The following CCSER1 variants were observed in gnomAD, a reference collection of about 807,000 sequenced individuals.
CCSER1 encodes coiled-coil serine rich protein 1.
CCSER1 carries 41 observed loss-of-function variants against 82.0 expected under a neutral mutation model. The ratio of observed to expected loss-of-function variants is 0.50; its 90% CI spans 0.39 to 0.65. The LOEUF (loss-of-function observed/expected upper bound fraction) is 0.65, where lower values mean the gene tolerates loss of function less well. Ranked by LOEUF, CCSER1 falls within the 30% of genes least tolerant of loss-of-function variation. CCSER1 has a pLI of 0.00. For synonymous variants in CCSER1, 414 were observed against 383.9 expected, an observed-to-expected ratio of 1.08 and a Z score of -0.92; for missense variants, 1,119 against 1,064.2, an observed-to-expected ratio of 1.05 and a Z score of -0.72.
At chr4:91,363,357 T>TTGTG (rs201687094) in intron 10 of CCSER1, among the ~76,000 whole-genome samples, 2 of 139,546 alleles carry the variant, frequency 1.4e-5, no homozygotes, top group Non-Finnish European at 3.0e-5. Flanking sequence ...TGGAGATATT[T>TTGTG]TGTGTGTGTG....
chr4:91,175,440 C>G (rs1378695337), intron 10 of CCSER1, among the ~76,000 whole-genome samples: 1 of 152,172 alleles, frequency 6.6e-6, no homozygotes, highest in African/African-American at 2.4e-5. Flanking sequence ...GTCCCACCAA[C>G]AGTGCAAAAG....
chr4:91,292,650 T>C (rs1310442874), intron 10 of CCSER1, among the ~76,000 whole-genome samples: 2 of 152,066 alleles, frequency 1.3e-5, no homozygotes, highest in African/African-American at 2.4e-5. Context: ...AAGTCTGATA[T>C]GAATGGCAAG....
intron 5 of CCSER1, among the ~76,000 whole-genome samples, chr4:90,604,272 T>C (rs1784361251): frequency 6.6e-6 from 1 of 152,200 alleles, no homozygotes; most frequent in African/African-American, 2.4e-5. Context: ...GTAAACATCC[T>C]TGAGCCTCCT....
intron 10 of CCSER1, among the ~76,000 whole-genome samples, chr4:91,248,412 T>C (rs553078506): frequency 2.1e-3 from 325 of 152,262 alleles, no homozygotes; most frequent in African/African-American, 7.5e-3. Context: ...CTCAGTCAGG[T>C]GAGCAATGTC....
intron 10 of CCSER1, among the ~76,000 whole-genome samples, chr4:91,290,095 C>T (rs946080069): frequency 4.8e-4 from 73 of 151,804 alleles, no homozygotes; most frequent in African/African-American, 1.7e-3. Context: ...AACTAACAAG[C>T]TAGCTACAAA....
At chr4:90,732,894 G>T (rs1399730319) in intron 7 of CCSER1, among the ~76,000 whole-genome samples, 1 of 152,092 alleles carries the variant, frequency 6.6e-6, no homozygotes, top group Admixed American at 6.5e-5. Context: ...AGTGTTCATT[G>T]TGTATATGTA....
intron 8 of CCSER1, among the ~76,000 whole-genome samples, chr4:90,820,113 C>G (rs917446859): frequency 2.6e-5 from 4 of 152,138 alleles, no homozygotes; most frequent in Non-Finnish European, 5.9e-5. Context: ...GGGGCCTTAG[C>G]TTTCTTTACT....
intron 9 of CCSER1, among the ~76,000 whole-genome samples, chr4:90,954,112 T>C (rs1733191383): frequency 6.6e-6 from 1 of 152,046 alleles, no homozygotes; most frequent in African/African-American, 2.4e-5. Context: ...CATTTCTCTT[T>C]AAAGAAATAA....
chr4:90,192,371 G>A (rs534141128), intron 1 of CCSER1, among the ~76,000 whole-genome samples: 1 of 152,096 alleles, frequency 6.6e-6, no homozygotes, highest in South Asian at 2.1e-4. Context: ...TGGGGACACA[G>A]CCAAACCATG....
At chr4:91,232,948 G>T (rs189160760) in intron 10 of CCSER1, among the ~76,000 whole-genome samples, 3 of 151,908 alleles carry the variant, frequency 2.0e-5, no homozygotes, top group African/African-American at 7.2e-5. Flanking sequence ...GGGTAGATAT[G>T]TATAAAAGCT....
At chr4:90,369,427 A>G (rs1746964192) in intron 3 of CCSER1, among the ~76,000 whole-genome samples, 1 of 129,834 alleles carries the variant, frequency 7.7e-6, no homozygotes, top group Non-Finnish European at 1.6e-5. Context: ...AAGTGGGAGC[A>G]CAGAGGTATA....
intron 10 of CCSER1, among the ~76,000 whole-genome samples, chr4:91,155,787 C>A (rs997074423): frequency 6.6e-6 from 1 of 151,734 alleles, no homozygotes; most frequent in African/African-American, 2.4e-5. Context: ...GATGGAGAAA[C>A]AGTAAAAATT....
intron 10 of CCSER1, among the ~76,000 whole-genome samples, chr4:91,107,274 A>G (rs914686084): frequency 6.6e-5 from 10 of 152,110 alleles, no homozygotes; most frequent in African/African-American, 1.9e-4. Context: ...TTTTCATTTG[A>G]GACAGAGCCC....
In CCSER1 at chr4:90,309,298, G is replaced by A. The variant is rs370616330; in HGVS notation, c.1014G>A (p.Pro338=). ...GTAGCACTGAATCTAATTCATTACC[G>A]GAAACCTCTGCTGCTAATCAGAAGG... ...GQCSTESNSL[P]ETSAANQKEV... is the part of the protein sequence containing the mutation. The change falls in exon 2 of 11, where the codon CCG becomes CCA. Residue 338 remains proline (P), a synonymous_variant. Coordinates refer to ENST00000509176, the MANE Select transcript of CCSER1 (RefSeq NM_001145065.2). 80 of 1,613,638 alleles carry A rather than the reference G, an allele frequency of 5.0e-5. No homozygotes were observed. Among genetic ancestry groups the A allele is most frequent in the African/African-American group, 4.9e-4 (37 of 74,892 alleles).
intron 10 of CCSER1, among the ~76,000 whole-genome samples, chr4:91,302,402 G>A (rs936297435): frequency 1.3e-4 from 20 of 151,920 alleles, no homozygotes; most frequent in African/African-American, 4.1e-4. Context: ...TTCCACTTCT[G>A]TTTATTTCTA....
At chr4:91,159,945 T>A (rs11946467) in intron 10 of CCSER1, among the ~76,000 whole-genome samples, 55,339 of 151,688 alleles carry the variant, frequency 0.36, 11,821 homozygotes, top group Non-Finnish European at 0.47. Context: ...AAGTGCACAA[T>A]GTGCAGGTTT....
chr4:90,653,866 A>T (rs1729222970), intron 6 of CCSER1, among the ~76,000 whole-genome samples: 1 of 152,192 alleles, frequency 6.6e-6, no homozygotes, highest in African/African-American at 2.4e-5. Context: ...TGAAGAAAAG[A>T]TATTTAATTG....
chr4:91,316,252 A>G (rs1320161715), intron 10 of CCSER1, among the ~76,000 whole-genome samples: 1 of 151,952 alleles, frequency 6.6e-6, no homozygotes, highest in Non-Finnish European at 1.5e-5. Context: ...ACACAGTAAT[A>G]GTTTTTATAT....
chr4:90,913,247 T>G (rs1726717816), intron 8 of CCSER1, among the ~76,000 whole-genome samples: 1 of 152,042 alleles, frequency 6.6e-6, no homozygotes, highest in South Asian at 2.1e-4. Context: ...GAGAGAAAGG[T>G]CAGGTTACCC....
Sources: gnomAD v4.1 joint callset for allele counts (sites outside exome capture counted in the v4.1 genomes callset) on GRCh38, gnomAD v4.1.1 for gene constraint, MANE v1.5 for transcripts, NCBI Gene and HGNC (gene_info 2026-07-23, HGNC 2026-07-21) for gene names.